Variants in CCM2 observed in about 807,000 individuals in gnomAD.
CCM2 encodes CCM2 scaffold protein.
In CCM2, 25 loss-of-function variants were observed where a neutral mutation model predicts 44.9. The ratio of observed to expected loss-of-function variants is 0.56; its 90% CI spans 0.41 to 0.78. The LOEUF (loss-of-function observed/expected upper bound fraction) is 0.78, where lower values mean the gene tolerates loss of function less well. Among genes scored for constraint, CCM2 ranks in the 30% least tolerant of loss-of-function variants. The probability of loss-of-function intolerance (pLI) is 0.00; values close to 1 mark genes in which losing one functional copy is unlikely to be tolerated. For synonymous variants in CCM2, 219 were observed against 241.1 expected (o/e 0.91, Z 0.85); for missense variants, 481 against 580.6 (o/e 0.83, Z 1.76).
intron 1 of CCM2, among the ~76,000 whole-genome samples, chr7:45,010,617 G>A (rs753701028): frequency 1.3e-4 from 19 of 151,672 alleles, no homozygotes; most frequent in Non-Finnish European, 2.2e-4. Flanking sequence ...ATTTTTTTGA[G>A]ATGGAGTTTT....
chr7:45,040,653 A>G (rs995442667), intron 2 of CCM2, among the ~76,000 whole-genome samples: 3 of 152,162 alleles, frequency 2.0e-5, no homozygotes, highest in Non-Finnish European at 4.4e-5. Flanking sequence ...AACTCACAGA[A>G]GCCTGTTCTT....
intron 2 of CCM2, among the ~76,000 whole-genome samples, chr7:45,041,670 A>G (rs1393668646): frequency 6.6e-6 from 1 of 152,178 alleles, no homozygotes; most frequent in South Asian, 2.1e-4. Context: ...CTGTGGTCCT[A>G]CCTCTGTGCC....
rs746638911 is a variant in CCM2, at chr7:45,072,754, G to A, written c.774G>A (p.Lys258=). The change falls in exon 7 of 10, where the codon AAG becomes AAA. Residue 258 remains lysine (K), a synonymous_variant. Coordinates refer to ENST00000258781, the MANE Select transcript of CCM2 (RefSeq NM_031443.4). The part of the protein sequence containing the change: ...SDDSSTKVDI[K]ETYEVEASTF... Reference sequence around the variant, plus strand: ...ACTCTTCTACAAAAGTGGACATTAAGGAGACCTACGAGGTGGAAGCCAGCA... The same window carrying A: ...ACTCTTCTACAAAAGTGGACATTAAAGAGACCTACGAGGTGGAAGCCAGCA... 1.9e-6 allele frequency: 3 copies of A among 1,612,824 alleles called. No individual in the cohort carries two copies. The highest frequency in any genetic ancestry group is 2.5e-6 in the Non-Finnish European group (3 of 1,179,746).
rs774896337 is a variant in CCM2, at chr7:45,068,513, C to G, written c.543C>G (p.Ser181=). Reference sequence around the variant, plus strand: ...GTTCCAGAGGCCTCAGTGCAGGCTCCCTGTCGGAGAGTGCAGTTGGGCCCG... The same window carrying G: ...GTTCCAGAGGCCTCAGTGCAGGCTCGCTGTCGGAGAGTGCAGTTGGGCCCG... The part of the protein sequence containing the change: ...AESSRGLSAG[S]LSESAVGPVE... Residue 181 remains serine, a synonymous_variant, in exon 5 of 10, where the codon TCC becomes TCG. Coordinates refer to ENST00000258781, the MANE Select transcript of CCM2 (RefSeq NM_031443.4). 6.2e-7 allele frequency: 1 copy of G among 1,614,160 alleles called. No homozygotes were observed. Among genetic ancestry groups the G allele is most frequent in the Non-Finnish European group, 8.5e-7 (1 of 1,180,024 alleles).
chr7:45,031,569 A>G (rs1796972414), intron 1 of CCM2, among the ~76,000 whole-genome samples: 1 of 151,088 alleles, frequency 6.6e-6, no homozygotes, highest in Non-Finnish European at 1.5e-5. Context: ...AATAATTATT[A>G]TTTGTTTTGA....
At chr7:45,020,152 A>T (rs1224026002) in intron 1 of CCM2, among the ~76,000 whole-genome samples, 2 of 152,188 alleles carry the variant, frequency 1.3e-5, no homozygotes, top group Non-Finnish European at 1.5e-5. Flanking sequence ...TACTCTCAGG[A>T]GTAAAGCAAT....
intron 2 of CCM2, chr7:45,043,757 AT>A (rs750794683): frequency 1.8e-5 from 7 of 387,414 alleles, no homozygotes; most frequent in Admixed American, 3.6e-5. Context: ...ATGCCCTTTC[AT>A]TTTTCTCTCA....
intron 1 of CCM2, among the ~76,000 whole-genome samples, chr7:45,032,739 G>A (rs551764502): frequency 1.1e-4 from 16 of 152,212 alleles, no homozygotes; most frequent in African/African-American, 3.6e-4. Flanking sequence ...CATGCTGGCT[G>A]CTGGGTAAGA....
chr7:45,043,440 G>T (rs758872377), intron 2 of CCM2, among the ~76,000 whole-genome samples: 4 of 152,158 alleles, frequency 2.6e-5, no homozygotes, highest in Non-Finnish European at 4.4e-5. Flanking sequence ...GTGGCTGTGA[G>T]AATAAACAAC....
In CCM2 at chr7:45,000,260, C is replaced by G. The variant is rs1228189698; in HGVS notation, c.-74C>G. 3.1e-6 allele frequency: 3 copies of G among 959,836 alleles called. No homozygotes were observed. Among genetic ancestry groups the G allele is most frequent in the South Asian group, 5.0e-5 (1 of 19,988 alleles). The allele number at this position is 959,836 out of a possible 1,614,324, so 59.5% of individuals were successfully genotyped here. A position where few individuals can be genotyped will look rare whatever the true frequency, so the allele number is the denominator to read the frequency against. ...GAGCGCGGGGGCGGCGGGCCCGGGT[C>G]GAGCATGTAGCGGCTGCTGGCGGCG... On this transcript the variant is annotated 5_prime_UTR_variant, in exon 1 of 10. Transcript: ENST00000258781.
chr7:45,042,265 C>CAAAAAAAAAAAAAAAAAAA (rs71565940), intron 2 of CCM2, among the ~76,000 whole-genome samples: 9 of 102,396 alleles, frequency 8.8e-5, no homozygotes, highest in African/African-American at 3.8e-4. Context: ...GATTCCATCT[C>CAAAAAAAAAAAAAAAAAAA]AAAAAAAAAA....
chr7:45,007,328 C>T (rs796606259), intron 1 of CCM2, among the ~76,000 whole-genome samples: 4 of 152,136 alleles, frequency 2.6e-5, no homozygotes, highest in Non-Finnish European at 5.9e-5. Flanking sequence ...CTGCATGCAT[C>T]GCTGTGTCCT....
intron 9 of CCM2, 147 bp from the exon 10 acceptor site, chr7:45,075,630 C>G: frequency 1.1e-6 from 1 of 943,890 alleles, no homozygotes; most frequent in Non-Finnish European, 1.7e-6. Flanking sequence ...AACCAGGATG[C>G]TAGATGCAGT....
chr7:45,057,416 C>T (rs1798314422), intron 2 of CCM2, among the ~76,000 whole-genome samples: 1 of 152,100 alleles, frequency 6.6e-6, no homozygotes, highest in Non-Finnish European at 1.5e-5. Context: ...CCGCCTCGGC[C>T]TCCCAAAGTG....
At chr7:45,030,814 C>G (rs1796929640) in intron 1 of CCM2, among the ~76,000 whole-genome samples, 1 of 152,110 alleles carries the variant, frequency 6.6e-6, no homozygotes, top group African/African-American at 2.4e-5. Flanking sequence ...ACTGCTACCT[C>G]CCAGGTTCAA....
At chr7:45,059,404 G>A (rs1471755980) in intron 2 of CCM2, among the ~76,000 whole-genome samples, 2 of 148,912 alleles carry the variant, frequency 1.3e-5, no homozygotes, top group African/African-American at 2.5e-5. Context: ...GCAATGTGGC[G>A]AAACCCTGTC....
chr7:45,050,276 GT>G (rs1162183843), intron 2 of CCM2, among the ~76,000 whole-genome samples: 2 of 152,190 alleles, frequency 1.3e-5, no homozygotes, highest in Non-Finnish European at 2.9e-5. Flanking sequence ...TACCATCTGA[GT>G]TTGTGTAATT....
chr7:45,034,237 GTCTC>G (rs555145110), intron 1 of CCM2, among the ~76,000 whole-genome samples: 1 of 151,632 alleles, frequency 6.6e-6, no homozygotes, highest in Admixed American at 6.6e-5. Flanking sequence ...TTGAGACGGA[GTCTC>G]TCTCTTGTTG....
chr7:45,039,083 C>G lies in CCM2; in HGVS notation c.204+657C>G, dbSNP rs75209172. Among the ~76,000 whole-genome samples, 26 of 152,242 alleles carry G rather than the reference C, an allele frequency of 1.7e-4. No homozygotes were observed. The East Asian group carries it at 5.0e-3, about 29-fold the overall frequency. ...GCCAGACCCGAGTTCCTGCAGAGGA[C>G]CCAGAGTCCAGGGGGCTCAGGAGGG... On this transcript the variant is annotated intron_variant, in intron 2 of 9. Transcript: ENST00000258781.
Sources: allele counts gnomAD v4.1 joint callset (sites outside exome capture counted in the v4.1 genomes callset), GRCh38; gene constraint gnomAD v4.1.1; transcripts MANE v1.5; gene names NCBI Gene and HGNC (gene_info 2026-07-23, HGNC 2026-07-21).